The following KHDRBS2 variants were observed in gnomAD, a reference collection of about 807,000 sequenced individuals.
KHDRBS2 encodes the protein KH domain-containing, RNA-binding, signal transduction-associated protein 2.
In KHDRBS2, 26 loss-of-function variants were observed where a neutral mutation model predicts 44.3. The observed-to-expected ratio is 0.59, with a 90% CI of 0.43 to 0.81. The LOEUF (loss-of-function observed/expected upper bound fraction) is 0.81. Ranked by LOEUF, KHDRBS2 falls within the 40% of genes least tolerant of loss-of-function variation. The pLI, the probability that KHDRBS2 is intolerant of heterozygous loss-of-function variation, is 0.00. For synonymous variants in KHDRBS2, 194 were observed against 151.1 expected (o/e 1.28, Z -2.08); for missense variants, 476 against 433.1 (o/e 1.10, Z -0.88).
chr6:61,838,346 T>C (rs1583091740), intron 6 of KHDRBS2, among the ~76,000 whole-genome samples: 2 of 151,872 alleles, frequency 1.3e-5, no homozygotes, highest in Non-Finnish European at 2.9e-5. Context: ...GCCAAAGACA[T>C]AAGAAAATTA....
chr6:62,221,354 T>C (rs1005096331), intron 1 of KHDRBS2, among the ~76,000 whole-genome samples: 1 of 152,020 alleles, frequency 6.6e-6, no homozygotes, highest in African/African-American at 2.4e-5. Flanking sequence ...AAGCAGCAGA[T>C]AGATAGGCTA....
Position 61,680,729 on chromosome 6 carries a change from G to C in KHDRBS2, c.*234C>G. ...ATATCATCCTACTGAAAGGTTTATAGACTATGCTTGCTAATGTCTTTTTCA... is the reference window on the plus strand; with the variant it reads ...ATATCATCCTACTGAAAGGTTTATACACTATGCTTGCTAATGTCTTTTTCA... On this transcript the variant is annotated 3_prime_UTR_variant, in exon 9 of 9. Transcript: ENST00000281156. 1 of 335,568 alleles carries C rather than the reference G, an allele frequency of 3.0e-6. No homozygotes were observed. Among genetic ancestry groups the C allele is most frequent in the East Asian group, 4.9e-5 (1 of 20,290 alleles). The allele number at this position is 335,568 out of a possible 1,614,324, so 20.8% of individuals were successfully genotyped here.
intron 3 of KHDRBS2, among the ~76,000 whole-genome samples, chr6:62,034,668 C>G (rs1784937811): frequency 1.4e-5 from 2 of 143,736 alleles, no homozygotes; most frequent in African/African-American, 2.6e-5. Context: ...CCATGACAGA[C>G]CCATGGCTAG....
intron 4 of KHDRBS2, among the ~76,000 whole-genome samples, chr6:61,944,349 G>T (rs1010133643): frequency 6.6e-6 from 1 of 152,066 alleles, no homozygotes; most frequent in African/African-American, 2.4e-5. Context: ...CATTTCATTT[G>T]TAGCAACATA....
At chr6:61,892,667 A>C (rs1274269346) in intron 6 of KHDRBS2, among the ~76,000 whole-genome samples, 4 of 152,214 alleles carry the variant, frequency 2.6e-5, no homozygotes, top group East Asian at 1.9e-4. Flanking sequence ...TTCCCTATTT[A>C]ATAAATGGTG....
chr6:61,769,645 A>G (rs990628164), intron 6 of KHDRBS2, among the ~76,000 whole-genome samples: 44 of 152,146 alleles, frequency 2.9e-4, no homozygotes, highest in Non-Finnish European at 1.3e-4. Context: ...GGCGCCCGCC[A>G]TTGCCGAGTT....
At chr6:62,149,939 T>C (rs1325207121) in intron 2 of KHDRBS2, among the ~76,000 whole-genome samples, 2 of 152,148 alleles carry the variant, frequency 1.3e-5, no homozygotes, top group Non-Finnish European at 2.9e-5. Flanking sequence ...CTGAACTCCT[T>C]TTTTTTCATG....
At chr6:61,551,746 G>C in the KHDRBS2 span, among the ~76,000 whole-genome samples, 2,277 of 152,212 alleles carry the variant, frequency 0.015, 59 homozygotes, top group African/African-American at 0.053. Context: ...GGCATACCAT[G>C]CTGCTTGGGT....
chr6:61,804,719 C>T (rs1299132778), intron 6 of KHDRBS2, among the ~76,000 whole-genome samples: 3 of 152,212 alleles, frequency 2.0e-5, no homozygotes, highest in Non-Finnish European at 2.9e-5. Flanking sequence ...CTTGCACCCT[C>T]TGAAGCAACA....
At chr6:61,703,277 A>G (rs1768973185) in intron 7 of KHDRBS2, among the ~76,000 whole-genome samples, 1 of 151,846 alleles carries the variant, frequency 6.6e-6, no homozygotes, top group African/African-American at 2.4e-5. Flanking sequence ...TCAATGTCAC[A>G]TATTTTAAAA....
intron 3 of KHDRBS2, among the ~76,000 whole-genome samples, chr6:62,008,669 T>C (rs1779722512): frequency 2.0e-5 from 3 of 152,124 alleles, no homozygotes; most frequent in Admixed American, 2.0e-4. Context: ...AGGAACCCCA[T>C]GGGAGATGAT....
At chr6:61,561,657 G>T in the KHDRBS2 span, among the ~76,000 whole-genome samples, 1 of 152,196 alleles carries the variant, frequency 6.6e-6, no homozygotes, top group East Asian at 1.9e-4. Context: ...TATTGCCATG[G>T]TATCACTGAT....
chr6:61,716,554 C>A (rs1688130627), intron 7 of KHDRBS2, among the ~76,000 whole-genome samples: 1 of 151,912 alleles, frequency 6.6e-6, no homozygotes, highest in South Asian at 2.1e-4. Flanking sequence ...TACTGACCTT[C>A]ATTTTTTTAA....
Position 61,978,227 on chromosome 6 carries a change from A to ATT in KHDRBS2, c.337-17_337-16dup. On this transcript the variant is annotated splice_polypyrimidine_tract_variant and intron_variant, in intron 3 of 8. Coordinates refer to ENST00000281156, the MANE Select transcript of KHDRBS2 (RefSeq NM_152688.4). Reference sequence around the variant, plus strand: ...AGTTCTTCTTCCTGTGAAAAAGGTTATTTTTAGAAATACAAATCCACTCAT... The same window carrying ATT: ...AGTTCTTCTTCCTGTGAAAAAGGTTATTTTTTTAGAAATACAAATCCACTCAT... 2 of 1,591,774 alleles carry ATT rather than the reference A, an allele frequency of 1.3e-6. No individual in the cohort carries two copies. Among genetic ancestry groups the ATT allele is most frequent in the Non-Finnish European group, 1.7e-6 (2 of 1,166,512 alleles).
intron 4 of KHDRBS2, among the ~76,000 whole-genome samples, chr6:61,932,591 G>A (rs1029255634): frequency 1.3e-5 from 2 of 152,090 alleles, no homozygotes; most frequent in Non-Finnish European, 2.9e-5. Context: ...ACGAGGTCAG[G>A]AGATCCAGAC....
chr6:62,174,749 G>C (rs1485481491), intron 2 of KHDRBS2, among the ~76,000 whole-genome samples: 2 of 151,738 alleles, frequency 1.3e-5, no homozygotes, highest in African/African-American at 4.8e-5. Flanking sequence ...AGTTGTCAAG[G>C]GGAGAAATGG....
intron 4 of KHDRBS2, among the ~76,000 whole-genome samples, chr6:61,937,334 C>A (rs2127372146): frequency 6.6e-6 from 1 of 151,890 alleles, no homozygotes; most frequent in African/African-American, 2.4e-5. Context: ...TTCATTTATT[C>A]AACCATATCA....
At chr6:62,007,236 T>A (rs1000107454) in intron 3 of KHDRBS2, among the ~76,000 whole-genome samples, 1 of 152,102 alleles carries the variant, frequency 6.6e-6, no homozygotes, top group Non-Finnish European at 1.5e-5. Context: ...AGAAGTTCCA[T>A]CTTCTGCTTA....
intron 1 of KHDRBS2, among the ~76,000 whole-genome samples, chr6:62,265,826 C>G (rs927014838): frequency 1.3e-5 from 2 of 152,054 alleles, no homozygotes; most frequent in African/African-American, 4.8e-5. Context: ...AAACTACCAG[C>G]TATTTCTCTT....
Sources: gnomAD v4.1 joint callset for allele counts (sites outside exome capture counted in the v4.1 genomes callset) on GRCh38, gnomAD v4.1.1 for gene constraint, MANE v1.5 for transcripts, NCBI Gene and HGNC (gene_info 2026-07-23, HGNC 2026-07-21) for gene names.